Variants in ZBBX observed in about 807,000 individuals in gnomAD.
ZBBX encodes zinc finger B-box domain-containing protein 1.
A neutral mutation model predicts 108.5 loss-of-function variants in ZBBX; 101 were observed. The ratio of observed to expected loss-of-function variants is 0.93; its 90% confidence interval spans 0.79 to 1.10. The LOEUF (loss-of-function observed/expected upper bound fraction) is 1.10. Ranked by LOEUF, ZBBX falls within the 50% of genes least tolerant of loss-of-function variation. The pLI is 0.00. For missense variants in ZBBX, 1,009 were observed against 941.4 expected (o/e 1.07, Z -0.94); for synonymous variants, 356 against 323.4 (o/e 1.10, Z -1.08).
chr3:167,276,261 GAGA>G (rs1727556492), intron 20 of ZBBX, among the ~76,000 whole-genome samples: 1 of 152,212 alleles, frequency 6.6e-6, no homozygotes. Flanking sequence ...GACGAGCTGA[GAGA>G]AGAAGGCTTC....
At chr3:167,390,072 T>C (rs1296806137) in intron 1 of ZBBX, among the ~76,000 whole-genome samples, 1 of 152,164 alleles carries the variant, frequency 6.6e-6, no homozygotes, top group Non-Finnish European at 1.5e-5. Flanking sequence ...TGCCTAGGTT[T>C]CTTCTAGGGT....
chr3:167,322,495 A>C (rs1736610786), intron 11 of ZBBX, among the ~76,000 whole-genome samples: 1 of 152,060 alleles, frequency 6.6e-6, no homozygotes, highest in Admixed American at 6.6e-5. Context: ...AAAGCAACTC[A>C]TTCTTTTAAA....
chr3:167,225,236 G>C, the ZBBX span, among the ~76,000 whole-genome samples: 2 of 151,828 alleles, frequency 1.3e-5, no homozygotes, highest in East Asian at 3.9e-4. Flanking sequence ...GTTTACTGCT[G>C]CTGCCATGAG....
At chr3:167,289,676 T>C (rs527239983) in intron 18 of ZBBX, among the ~76,000 whole-genome samples, 24 of 152,262 alleles carry the variant, frequency 1.6e-4, no homozygotes, top group African/African-American at 5.8e-4. Context: ...GGGTGGCCAC[T>C]TGAGCAGACA....
chr3:167,291,247 C>T (rs1450325234), intron 18 of ZBBX, among the ~76,000 whole-genome samples: 1 of 151,972 alleles, frequency 6.6e-6, no homozygotes, highest in Admixed American at 6.6e-5. Context: ...CCCCATGACA[C>T]ATAATCCTCA....
chr3:167,400,118 A>G (rs540851422), intron 1 of ZBBX, among the ~76,000 whole-genome samples: 100 of 152,206 alleles, frequency 6.6e-4, no homozygotes, highest in South Asian at 8.3e-4. Flanking sequence ...ATGGAACCCT[A>G]AGTTGATTCC....
chr3:167,188,763 G>T, the ZBBX span, among the ~76,000 whole-genome samples: 1 of 152,160 alleles, frequency 6.6e-6, no homozygotes, highest in Non-Finnish European at 1.5e-5. Flanking sequence ...GAATAAGCAA[G>T]TCTGATTCTT....
At chr3:167,272,875 G>T (rs577410009) in intron 20 of ZBBX, among the ~76,000 whole-genome samples, 1 of 152,284 alleles carries the variant, frequency 6.6e-6, no homozygotes, top group South Asian at 2.1e-4. Flanking sequence ...ATCAGCGAGT[G>T]GTTGTATATC....
chr3:167,334,231 A>AG (rs1739165943), intron 9 of ZBBX, among the ~76,000 whole-genome samples: 2 of 152,182 alleles, frequency 1.3e-5, no homozygotes, highest in South Asian at 2.1e-4. Context: ...TTAATCATCA[A>AG]GGCAATTCTA....
intron 17 of ZBBX, among the ~76,000 whole-genome samples, chr3:167,302,890 T>C (rs1275359935): frequency 3.3e-5 from 5 of 152,242 alleles, no homozygotes; most frequent in Non-Finnish European, 7.3e-5. Flanking sequence ...TATTTTATAC[T>C]GGGCAGTAAG....
chr3:167,211,867 A>G, the ZBBX span, among the ~76,000 whole-genome samples: 1 of 149,578 alleles, frequency 6.7e-6, no homozygotes, highest in African/African-American at 2.5e-5. Flanking sequence ...GGAGTGGGCC[A>G]CCATCTTTGT....
chr3:167,279,292 A>G (rs992200737), intron 20 of ZBBX, among the ~76,000 whole-genome samples: 9 of 151,664 alleles, frequency 5.9e-5, no homozygotes, highest in Non-Finnish European at 1.2e-4. Flanking sequence ...AATTAGGAAA[A>G]GAGGAAGTCA....
At chr3:167,401,332 T>G (rs1748418286) in intron 1 of ZBBX, 1 of 152,128 alleles carries the variant, frequency 6.6e-6, no homozygotes, top group Non-Finnish European at 1.5e-5. Flanking sequence ...CTCTTATTGT[T>G]GCAGGAAAGG....
chr3:167,216,213 T>C, the ZBBX span, among the ~76,000 whole-genome samples: 1 of 152,150 alleles, frequency 6.6e-6, no homozygotes. Flanking sequence ...ATGATTCTTC[T>C]ATATCTAGAA....
At chr3:167,334,680 G>A (rs1296305244) in intron 9 of ZBBX, among the ~76,000 whole-genome samples, 1 of 152,114 alleles carries the variant, frequency 6.6e-6, no homozygotes, top group African/African-American at 2.4e-5. Context: ...GACCTCAGGT[G>A]TGTATAAGTC....
intron 19 of ZBBX, among the ~76,000 whole-genome samples, chr3:167,285,139 T>C (rs1157159574): frequency 6.6e-6 from 1 of 152,136 alleles, no homozygotes; most frequent in Non-Finnish European, 1.5e-5. Flanking sequence ...ATATGCTCTA[T>C]GATTACTAAT....
the ZBBX span, among the ~76,000 whole-genome samples, chr3:167,182,294 T>A: frequency 6.6e-6 from 1 of 152,124 alleles, no homozygotes; most frequent in South Asian, 2.1e-4. Context: ...ATCAACTAAA[T>A]GCACTTTCCC....
At chr3:167,302,060 C>T (rs948168033) in intron 17 of ZBBX, among the ~76,000 whole-genome samples, 2 of 151,234 alleles carry the variant, frequency 1.3e-5, no homozygotes, top group African/African-American at 2.4e-5. Flanking sequence ...TTGGAAAACA[C>T]CGTGTGTAAT....
chr3:167,347,248 A>G (rs1452166981), intron 9 of ZBBX, among the ~76,000 whole-genome samples: 4 of 151,984 alleles, frequency 2.6e-5, no homozygotes, highest in African/African-American at 9.6e-5. Flanking sequence ...AAACATGTAC[A>G]TGATGTTTTG....
Sources: gnomAD v4.1 joint callset for allele counts (sites outside exome capture counted in the v4.1 genomes callset) on GRCh38, gnomAD v4.1.1 for gene constraint, MANE v1.5 for transcripts, NCBI Gene and HGNC (gene_info 2026-07-23, HGNC 2026-07-21) for gene names.